Variants in TDRD6 observed in about 807,000 individuals in gnomAD.
TDRD6 encodes the protein tudor domain containing 6.
In TDRD6, 186 loss-of-function variants were observed where a neutral mutation model predicts 157.5. The observed-to-expected ratio is 1.18, with a 90% CI of 1.05 to 1.33. TDRD6 has a LOEUF of 1.33. Among genes scored for constraint, TDRD6 ranks in the 40% most tolerant of loss-of-function variants. The probability of loss-of-function intolerance (pLI) is 0.00; values close to 1 mark genes in which losing one functional copy is unlikely to be tolerated. For missense variants in TDRD6, 3,066 were observed against 2,508.0 expected (o/e 1.22, Z -4.75); for synonymous variants, 1,075 against 945.2 (o/e 1.14, Z -2.52).
rs768589583 is a variant in TDRD6, at chr6:46,688,684, G to C, written c.556G>C (p.Asp186His). Residue 186 changes from aspartate to histidine, a missense_variant, in exon 1 of 4, where the codon GAT becomes CAT. By Grantham distance (81) the Asp-to-His change is moderately conservative. Transcript: ENST00000316081. ...TCGCCTGGTCCTCCTGGAGGTGCCT[G>C]ATGTGTTCCAACAGATGCGGGAGCT... ...LHRLVLLEVP[D>H]VFQQMRELGL... 6 of 1,600,424 alleles carry C rather than the reference G, an allele frequency of 3.7e-6. No homozygotes were observed. Among genetic ancestry groups the C allele is most frequent in the Admixed American group, 3.3e-5 (2 of 60,026 alleles).
At chr6:46,701,673 C>A (rs184235687) in intron 3 of TDRD6, among the ~76,000 whole-genome samples, 185 bp from the exon 4 acceptor site, 1 of 151,806 alleles carries the variant, frequency 6.6e-6, no homozygotes, top group Non-Finnish European at 1.5e-5. Context: ...GTGTGAGAAC[C>A]AAAATATTAA....
rs773764294 is a variant in TDRD6, at chr6:46,693,071, A to T, written c.4943A>T (p.Gln1648Leu). 5 of 1,613,894 alleles carry T rather than the reference A, an allele frequency of 3.1e-6. No individual in the cohort carries two copies. Among genetic ancestry groups the T allele is most frequent in the Middle Eastern group, 3.3e-4 (2 of 6,056 alleles). ...AACATTTCAGAAGGATTATGTTCTCAAGAGGGAAATGACTATTTCTATGAA... is the reference window on the plus strand; with the variant it reads ...AACATTTCAGAAGGATTATGTTCTCTAGAGGGAAATGACTATTTCTATGAA... Reference protein sequence around the residue: ...GFNISEGLCSQEGNDYFYEII... With the variant: ...GFNISEGLCSLEGNDYFYEII... The change falls in exon 1 of 4, where the codon CAA becomes CTA. Residue 1648 changes from glutamine to leucine, a missense_variant. Coordinates refer to ENST00000316081, the MANE Select transcript of TDRD6 (RefSeq NM_001010870.3).
At chr6:46,698,411 C>T (rs975872467) in intron 3 of TDRD6, among the ~76,000 whole-genome samples, 1 of 152,122 alleles carries the variant, frequency 6.6e-6, no homozygotes, top group African/African-American at 2.4e-5. Flanking sequence ...ATAATATACC[C>T]ATCCAGAGAC....
At position 46,688,947 on chromosome 6, in the gene TDRD6, G is replaced by A. The variant is rs1432949626; in HGVS notation, c.819G>A (p.Ser273=). 3.1e-6 allele frequency: 5 copies of A among 1,611,962 alleles called. No individual in the cohort carries two copies. Among genetic ancestry groups the A allele is most frequent in the Admixed American group, 3.3e-5 (2 of 59,920 alleles). The change falls in exon 1 of 4, where the codon TCG becomes TCA. Residue 273 remains serine (S), a synonymous_variant. Transcript: ENST00000316081. ...TTCACTGCCAGCTCCGCAGCGTCTC[G>A]CAGGAGATCCACCGCCTCTCCGAGA... is the stretch of plus-strand genomic sequence containing the variant. The part of the protein sequence containing the change: ...HRIHCQLRSV[S]QEIHRLSESM...
At position 46,694,083 on chromosome 6, in the gene TDRD6, G is replaced by A. The variant is rs1391113230; in HGVS notation, c.5955G>A (p.Arg1985=). 6.2e-7 allele frequency: 1 copy of A among 1,612,712 alleles called. No individual in the cohort carries two copies. Among genetic ancestry groups the A allele is most frequent in the East Asian group, 2.2e-5 (1 of 44,888 alleles). Residue 1985 remains arginine, a synonymous_variant, in exon 1 of 4, where the codon AGG becomes AGA. Coordinates refer to ENST00000316081, the MANE Select transcript of TDRD6 (RefSeq NM_001010870.3). ...AAGAATTTGTAGAGTATAAAAACAG[G>A]GATGCCATTTCGGCATTGATGCCTT... The part of the protein sequence containing the change: ...CEEEFVEYKN[R]DAISALMPLF...
Position 46,691,587 on chromosome 6 carries a change from T to C in TDRD6, c.3459T>C (p.Asn1153=), listed in dbSNP as rs750713321. The C allele has an allele frequency of 1.9e-6, 3 of 1,613,382 alleles. No homozygotes were observed. The highest frequency in any genetic ancestry group is 3.3e-5 in the Admixed American group (2 of 59,936). The change falls in exon 1 of 4, where the codon AAT becomes AAC. Residue 1153 remains asparagine, a synonymous_variant. Coordinates refer to ENST00000316081, the MANE Select transcript of TDRD6 (RefSeq NM_001010870.3). ...ATATTCAAATTAGTGCTAGTATTAA[T>C]AAGAAGTTGGGGCTACTTAGTTACA... is the stretch of plus-strand genomic sequence containing the variant. The part of the protein sequence containing the change: ...GDNIQISASI[N]KKLGLLSYKD...
chr6:46,688,070 C>T lies in TDRD6; in HGVS notation c.-59C>T, dbSNP rs987818775. 1.4e-6 allele frequency: 2 copies of T among 1,413,170 alleles called. No homozygotes were observed. Among genetic ancestry groups the T allele is most frequent in the Non-Finnish European group, 9.2e-7 (1 of 1,091,964 alleles). The allele number at this position is 1,413,170 out of a possible 1,614,324, so 87.5% of individuals were successfully genotyped here. A position where few individuals can be genotyped will look rare whatever the true frequency, so the allele number is the denominator to read the frequency against. ...CGCCTTCAGGCGGCGCGGAGGATTT[C>T]GAGGCCCTGAGGCGCGGCCCTTAAT... On this transcript the variant is annotated 5_prime_UTR_variant, in exon 1 of 4. Transcript: ENST00000316081.
chr6:46,697,488 T>C (rs940059495), intron 2 of TDRD6, among the ~76,000 whole-genome samples: 51 of 152,208 alleles, frequency 3.4e-4, no homozygotes, highest in African/African-American at 1.1e-3. Context: ...CCATCTTTGA[T>C]CACCAGTCAT....
chr6:46,696,939 C>T (rs945749768), intron 2 of TDRD6, among the ~76,000 whole-genome samples: 8 of 151,828 alleles, frequency 5.3e-5, no homozygotes, highest in Admixed American at 1.3e-4. Context: ...TAGATTCCTA[C>T]GCCTTGGCCT....
rs1195924882 is a variant in TDRD6 at position 46,690,310 on chromosome 6, G to T, written c.2182G>T (p.Val728Phe). The stretch of plus-strand genomic sequence containing the variant: ...TTCAAAAGCTTTGAGTGACACAACA[G>T]TTGTAACAAATGGTTCAACTGAACT... Reference protein sequence around the residue: ...SVSKALSDTTVVTNGSTELVV... With the variant: ...SVSKALSDTTFVTNGSTELVV... The change falls in exon 1 of 4, where the codon GTT (valine) becomes TTT (phenylalanine). Residue 728 changes from valine to phenylalanine, a missense_variant. By Grantham distance (50) the Val-to-Phe change is conservative (BLOSUM62 -1). Coordinates refer to ENST00000316081, the MANE Select transcript of TDRD6 (RefSeq NM_001010870.3). The T allele has an allele frequency of 1.9e-6, 3 of 1,613,418 alleles. No individual in the cohort carries two copies. The highest frequency in any genetic ancestry group is 2.7e-5 in the African/African-American group (2 of 75,042).
rs754358798 is a variant in TDRD6 at position 46,691,923 on chromosome 6, A to G, written c.3795A>G (p.Thr1265=). 8.8e-6 allele frequency: 14 copies of G among 1,597,580 alleles called. No individual in the cohort carries two copies. The African/African-American group carries it at 1.8e-4, about 20-fold the overall frequency. Residue 1265 remains threonine, a synonymous_variant, in exon 1 of 4, where the codon ACA becomes ACG. Coordinates refer to ENST00000316081, the MANE Select transcript of TDRD6 (RefSeq NM_001010870.3). ...TEKKEEISAE[T]PLKTARVEAT... ...AGAAAGAAGAAATTTCTGCTGAGAC[A>G]CCCTTGAAAACAGCAAGAGTAGAAG...
upstream of TDRD6, among the ~76,000 whole-genome samples, chr6:46,684,152 C>G (rs1376332683): frequency 1.3e-5 from 2 of 152,066 alleles, no homozygotes; most frequent in Admixed American, 1.3e-4. Context: ...CTTGAATTGT[C>G]TGTGTGTGTA....
upstream of TDRD6, among the ~76,000 whole-genome samples, chr6:46,683,572 A>G (rs183448101): frequency 1.4e-4 from 21 of 152,248 alleles, no homozygotes; most frequent in Middle Eastern, 3.4e-3. Context: ...ATATCAAACT[A>G]CAATATGAAA....
In TDRD6 at chr6:46,690,173, A is replaced by C. The variant is rs569301225; in HGVS notation, c.2045A>C (p.His682Pro). 1.7e-5 allele frequency: 28 copies of C among 1,613,374 alleles called. No homozygotes were observed. The East Asian group carries it at 4.0e-4, about 23-fold the overall frequency. Residue 682 changes from histidine to proline, a missense_variant, in exon 1 of 4, where the codon CAC (histidine) becomes CCC (proline). Coordinates refer to ENST00000316081, the MANE Select transcript of TDRD6 (RefSeq NM_001010870.3). The stretch of plus-strand genomic sequence containing the variant: ...AAGGAAAATATCCTGGTAAATGCCC[A>C]CTCCCCAGGGCATGTTTCAAACCAC... Reference protein sequence around the residue: ...ETKENILVNAHSPGHVSNHFT... With the variant: ...ETKENILVNAPSPGHVSNHFT...
chr6:46,692,549 T>C lies in TDRD6; in HGVS notation c.4421T>C (p.Ile1474Thr). 6.2e-7 allele frequency: 1 copy of C among 1,613,896 alleles called. No individual in the cohort carries two copies. Among genetic ancestry groups the C allele is most frequent in the South Asian group, 1.1e-5 (1 of 91,074 alleles). The change falls in exon 1 of 4, where the codon ATT becomes ACT. Residue 1474 changes from isoleucine (I) to threonine (T), a missense_variant. Ile to Thr is a moderately conservative substitution (Grantham distance 89). Transcript: ENST00000316081. ...DEHGIIADDM[I>T]SRYALSEKSQ... is the part of the protein sequence containing the mutation. ...CATGGGATCATAGCAGATGATATGA[T>C]TAGCAGGTATGCTCTCAGTGAAAAA...
rs925216803 is a variant in TDRD6 at position 46,702,824 on chromosome 6, G to T, written c.*937G>T. ...GAGCTATATGCTGCTTAACAGATAT[G>T]TGACATGGGCAAATTATGTAATATT... On this transcript the variant is annotated 3_prime_UTR_variant, in exon 4 of 4. Transcript: ENST00000316081. 6 of 152,094 alleles carry T rather than the reference G, an allele frequency of 3.9e-5. No individual in the cohort carries two copies. The highest frequency in any genetic ancestry group is 1.4e-4 in the African/African-American group (6 of 41,440). The allele number at this position is 152,094 out of a possible 1,614,324, so 9.4% of individuals were successfully genotyped here.
rs150939532 is a variant in TDRD6 at position 46,690,220 on chromosome 6, A to G, written c.2092A>G (p.Ile698Val). The G allele has an allele frequency of 5.1e-5, 83 of 1,613,904 alleles. No homozygotes were observed. The highest frequency in any genetic ancestry group is 4.9e-4 in the Middle Eastern group (3 of 6,062). ...CCACTTTACTACGGAGAGTAACAAA[A>G]TACCTTTTGCCAAGACTGGAGAAGG... ...SNHFTTESNK[I>V]PFAKTGEGEQ... Residue 698 changes from isoleucine to valine, a missense_variant, in exon 1 of 4, where the codon ATA becomes GTA. By Grantham distance (29) the Ile-to-Val change is conservative. Coordinates refer to ENST00000316081, the MANE Select transcript of TDRD6 (RefSeq NM_001010870.3).
upstream of TDRD6, among the ~76,000 whole-genome samples, chr6:46,687,369 C>T (rs181326886): frequency 5.0e-4 from 76 of 152,296 alleles, no homozygotes; most frequent in South Asian, 2.5e-3. Flanking sequence ...TTGCTATATA[C>T]TTTCACACGT....
chr6:46,692,121 T>A lies in TDRD6; in HGVS notation c.3993T>A (p.Ile1331=). The change falls in exon 1 of 4, where the codon ATT becomes ATA. Residue 1331 remains isoleucine, a synonymous_variant. Transcript: ENST00000316081. ...AACTAATAGAAGATGAAGCTGAAATTAGTCATCTTTCAGAGAGATTAAACA... is the reference window on the plus strand; with the variant it reads ...AACTAATAGAAGATGAAGCTGAAATAAGTCATCTTTCAGAGAGATTAAACA... The part of the protein sequence containing the change: ...YVQLIEDEAE[I]SHLSERLNSV... 6.2e-7 allele frequency: 1 copy of A among 1,613,492 alleles called. No homozygotes were observed. The highest frequency in any genetic ancestry group is 8.5e-7 in the Non-Finnish European group (1 of 1,179,714).
Sources: allele counts gnomAD v4.1 joint callset (sites outside exome capture counted in the v4.1 genomes callset), GRCh38; gene constraint gnomAD v4.1.1; transcripts MANE v1.5; gene names NCBI Gene and HGNC (gene_info 2026-07-23, HGNC 2026-07-21).